Variants in ATG4C observed in about 807,000 individuals in gnomAD.
ATG4C encodes cysteine protease ATG4C.
A neutral mutation model predicts 57.6 loss-of-function variants in ATG4C; 56 were observed. The observed-to-expected ratio is 0.97, with a 90% CI of 0.78 to 1.21. The LOEUF (loss-of-function observed/expected upper bound fraction) is 1.21, where lower values mean the gene tolerates loss of function less well. Ranked by LOEUF, ATG4C falls within the 50% of genes most tolerant of loss-of-function variation. The pLI is 0.00. For synonymous variants in ATG4C, 157 were observed against 174.1 expected, an observed-to-expected ratio of 0.90 and a Z score of 0.78; for missense variants, 595 against 529.8, an observed-to-expected ratio of 1.12 and a Z score of -1.21.
At chr1:62,828,731 C>CT (rs1665747413) in intron 6 of ATG4C, among the ~76,000 whole-genome samples, 1 of 152,072 alleles carries the variant, frequency 6.6e-6, no homozygotes, top group Non-Finnish European at 1.5e-5. Flanking sequence ...TTGCCTGTTC[C>CT]TATGTCCAGG....
chr1:62,830,595 T>C (rs1244075651), intron 7 of ATG4C, among the ~76,000 whole-genome samples: 1 of 152,112 alleles, frequency 6.6e-6, no homozygotes, highest in Non-Finnish European at 1.5e-5. Flanking sequence ...TCATGGTTAA[T>C]AGCTTGACCA....
chr1:62,814,939 C>T (rs892805950), intron 3 of ATG4C, among the ~76,000 whole-genome samples: 3 of 152,122 alleles, frequency 2.0e-5, no homozygotes, highest in Non-Finnish European at 4.4e-5. Context: ...GTGGTGCATG[C>T]GTGCAATCCC....
intron 10 of ATG4C, among the ~76,000 whole-genome samples, chr1:62,845,148 G>A (rs543958909): frequency 1.3e-5 from 2 of 151,336 alleles, no homozygotes; most frequent in Non-Finnish European, 2.9e-5. Flanking sequence ...GAATTTCTGG[G>A]TCATAAGATA....
chr1:62,826,895 C>G (rs954565849), intron 6 of ATG4C, among the ~76,000 whole-genome samples: 1 of 152,170 alleles, frequency 6.6e-6, no homozygotes, highest in Non-Finnish European at 1.5e-5. Flanking sequence ...CCACCATCAT[C>G]TCTTGCTGGA....
intron 3 of ATG4C, among the ~76,000 whole-genome samples, chr1:62,811,274 G>A (rs77400308): frequency 1.3e-5 from 2 of 152,258 alleles, no homozygotes; most frequent in East Asian, 3.9e-4. Flanking sequence ...ATTAGAACAT[G>A]GTTGCAAAAA....
At chr1:62,800,507 A>C (rs945504095) in intron 1 of ATG4C, among the ~76,000 whole-genome samples, 3 of 152,184 alleles carry the variant, frequency 2.0e-5, no homozygotes, top group African/African-American at 4.8e-5. Flanking sequence ...TCCCCATTTT[A>C]GGAGACATTT....
rs1252358134 is a variant in ATG4C at position 62,819,014 on chromosome 1, G to A, written c.404G>A (p.Trp135Ter). 1.9e-6 allele frequency: 3 copies of A among 1,560,336 alleles called. No individual in the cohort carries two copies. The Admixed American group carries it at 5.6e-5, about 29-fold the overall frequency. The stretch of plus-strand genomic sequence containing the variant: ...TTTGGAACTACTATAGCTTGGACCT[G>A]GCCTGATGCTTTGAATATTGAAAAT... ...ILHFLGRAWT[W>*]PDALNIENSD... Residue 135 changes from tryptophan (W) to a stop codon, truncating the protein, a stop_gained, in exon 5 of 11, where the codon TGG becomes TAG. Transcript: ENST00000317868. LOFTEE classifies it high-confidence loss of function.
chr1:62,844,709 T>A (rs942566704), intron 10 of ATG4C, among the ~76,000 whole-genome samples: 34 of 152,132 alleles, frequency 2.2e-4, no homozygotes, highest in African/African-American at 8.0e-4. Context: ...CTTATTCCTT[T>A]TCTTCCTTCT....
chr1:62,854,306 T>A (rs1396950465), intron 10 of ATG4C, among the ~76,000 whole-genome samples: 1 of 149,550 alleles, frequency 6.7e-6, no homozygotes, highest in Non-Finnish European at 1.5e-5. Context: ...TCAGACAGAG[T>A]CTTGCTCTGT....
chr1:62,851,769 A>C (rs1297787673), intron 10 of ATG4C, among the ~76,000 whole-genome samples: 1 of 152,236 alleles, frequency 6.6e-6, no homozygotes, highest in Non-Finnish European at 1.5e-5. Flanking sequence ...AGGAGTGGGA[A>C]TACTAACTCC....
intron 1 of ATG4C, among the ~76,000 whole-genome samples, chr1:62,801,958 CAAAAAAAAAAAAAAAA>C (rs60298362): frequency 1.9e-5 from 1 of 51,890 alleles, no homozygotes; most frequent in Admixed American, 3.4e-4. Context: ...ACTCTGTCTC[CAAAAAAAAAAAAAAAA>C]AAAAAAAAAA....
intron 4 of ATG4C, among the ~76,000 whole-genome samples, chr1:62,817,579 T>TC (rs549140291): frequency 4.8e-4 from 73 of 152,294 alleles, no homozygotes; most frequent in South Asian, 1.2e-3. Context: ...ACTCCTAGGC[T>TC]CAAGTGATGC....
intron 10 of ATG4C, among the ~76,000 whole-genome samples, chr1:62,851,861 A>G (rs189850021): frequency 1.2e-3 from 186 of 152,304 alleles, no homozygotes; most frequent in African/African-American, 4.3e-3. Context: ...TTGTTGGTGG[A>G]TCAGTGAGCA....
Position 62,858,796 on chromosome 1 carries a change from T to C in ATG4C, c.1210-5196T>C, listed in dbSNP as rs565614906. The stretch of plus-strand genomic sequence containing the variant: ...TTTTAAGAGAGTGTTTTAAGTACAG[T>C]GAGGGGTAAAAGTTGGATACAAGGA... On this transcript the variant is annotated intron_variant, in intron 10 of 10. Transcript: ENST00000317868. Among the ~76,000 whole-genome samples the C allele has an allele frequency of 2.0e-5, 3 of 152,118 alleles. No individual in the cohort carries two copies. In the South Asian group the frequency reaches 6.2e-4, roughly 32 times the overall value.
chr1:62,860,094 A>G (rs916929763), intron 10 of ATG4C, among the ~76,000 whole-genome samples: 2 of 152,160 alleles, frequency 1.3e-5, no homozygotes, highest in Admixed American at 6.5e-5. Flanking sequence ...AAATGAAAAC[A>G]CAAACATACA....
chr1:62,786,367 A>G (rs539500544), intron 1 of ATG4C, among the ~76,000 whole-genome samples: 1 of 152,310 alleles, frequency 6.6e-6, no homozygotes, highest in South Asian at 2.1e-4. Flanking sequence ...TTTCCCTTCA[A>G]GAAGCAGAAA....
chr1:62,842,010 G>A (rs1164992998), intron 10 of ATG4C, among the ~76,000 whole-genome samples: 2 of 152,128 alleles, frequency 1.3e-5, no homozygotes, highest in Non-Finnish European at 2.9e-5. Context: ...CAAATGAGCT[G>A]TGTTTTTACC....
At chr1:62,838,094 C>T (rs1003485184) in intron 9 of ATG4C, among the ~76,000 whole-genome samples, 10 of 152,220 alleles carry the variant, frequency 6.6e-5, no homozygotes, top group Admixed American at 6.5e-4. Context: ...GGTAATTAGA[C>T]TTCACTATTC....
intron 10 of ATG4C, among the ~76,000 whole-genome samples, chr1:62,850,886 A>G (rs754035891): frequency 0.071 from 6,426 of 91,078 alleles, 690 homozygotes; most frequent in Non-Finnish European, 0.093. Context: ...ATATATATAT[A>G]TATATATATA....
Sources: gnomAD v4.1 joint callset for allele counts (sites outside exome capture counted in the v4.1 genomes callset) on GRCh38, gnomAD v4.1.1 for gene constraint, MANE v1.5 for transcripts, NCBI Gene and HGNC (gene_info 2026-07-23, HGNC 2026-07-21) for gene names.